Variants in CDK14 observed in about 807,000 individuals in gnomAD.
The protein encoded by CDK14 is cyclin-dependent kinase 14.
Under a neutral mutation model 60.7 loss-of-function variants are expected in CDK14, and 34 were observed. That is an observed-to-expected ratio of 0.56 (90% CI 0.43 to 0.75). The LOEUF is 0.75. Among genes scored for constraint, CDK14 ranks in the 30% least tolerant of loss-of-function variants. CDK14 has a pLI of 0.00. For synonymous variants in CDK14, 197 were observed against 203.7 expected (o/e 0.97, Z 0.28); for missense variants, 482 against 564.1 (o/e 0.85, Z 1.47).
At position 91,024,533 on chromosome 7, in the gene CDK14, C is replaced by T. The variant is rs572906477; in HGVS notation, c.1042-21364C>T. Among the ~76,000 whole-genome samples, 134 of 152,302 alleles carry T rather than the reference C, an allele frequency of 8.8e-4. 3 individuals are homozygous for T. In the South Asian group the frequency reaches 0.026, roughly 29 times the overall value. Reference sequence around the variant, plus strand: ...GGGTGTTGTGGCACACGCCTGTAGTCCCAGCTACTCAGGAGGCTGAGGCAG... The same window carrying T: ...GGGTGTTGTGGCACACGCCTGTAGTTCCAGCTACTCAGGAGGCTGAGGCAG... On this transcript the variant is annotated intron_variant, in intron 10 of 14. Coordinates refer to ENST00000380050, the MANE Select transcript of CDK14 (RefSeq NM_001287135.2).
At chr7:90,922,336 G>T (rs1793277492) in intron 8 of CDK14, among the ~76,000 whole-genome samples, 1 of 152,040 alleles carries the variant, frequency 6.6e-6, no homozygotes, top group Non-Finnish European at 1.5e-5. Context: ...ACAGTTTTAA[G>T]GCAAAGTTTA....
intron 4 of CDK14, 60 bp from the exon 5 acceptor site, chr7:90,790,513 C>A: frequency 2.8e-6 from 3 of 1,077,492 alleles, no homozygotes; most frequent in South Asian, 2.9e-5. Flanking sequence ...ATAAGGAAGA[C>A]AATTAGAACT....
intron 5 of CDK14, among the ~76,000 whole-genome samples, chr7:90,809,177 A>G (rs1045537036): frequency 5.3e-5 from 8 of 152,334 alleles, no homozygotes; most frequent in Admixed American, 5.2e-4. Context: ...CATTCTTTTC[A>G]GCACCACACC....
At chr7:91,168,537 T>A (rs1801419749) in intron 14 of CDK14, among the ~76,000 whole-genome samples, 1 of 152,236 alleles carries the variant, frequency 6.6e-6, no homozygotes, top group Non-Finnish European at 1.5e-5. Flanking sequence ...TTATCTATTA[T>A]CTTTTTAAAG....
chr7:90,957,206 G>C (rs1462041124), intron 9 of CDK14, among the ~76,000 whole-genome samples: 1 of 151,728 alleles, frequency 6.6e-6, no homozygotes, highest in Admixed American at 6.6e-5. Flanking sequence ...TTCCACAATG[G>C]TTGAACAAGT....
intron 12 of CDK14, among the ~76,000 whole-genome samples, chr7:91,094,066 G>A (rs564076324): frequency 5.7e-4 from 86 of 152,112 alleles, no homozygotes; most frequent in African/African-American, 1.9e-3. Context: ...GCACCTGTTG[G>A]TTACTATGCT....
At chr7:90,844,482 G>A (rs1172677871) in intron 5 of CDK14, among the ~76,000 whole-genome samples, 2 of 152,196 alleles carry the variant, frequency 1.3e-5, no homozygotes, top group African/African-American at 2.4e-5. Context: ...CTAAATTCCT[G>A]TGCTGGGCTG....
At chr7:90,637,943 A>T (rs1256422961) in intron 2 of CDK14, among the ~76,000 whole-genome samples, 2 of 147,048 alleles carry the variant, frequency 1.4e-5, no homozygotes, top group African/African-American at 2.5e-5. Context: ...TTTATCAGAG[A>T]CTAGGATTGC....
chr7:90,754,855 A>G (rs1461195343), intron 4 of CDK14, among the ~76,000 whole-genome samples: 1 of 152,188 alleles, frequency 6.6e-6, no homozygotes, highest in Non-Finnish European at 1.5e-5. Context: ...AGCGGCCAAC[A>G]AACATGAAGA....
chr7:90,968,085 A>T (rs1346779144), intron 9 of CDK14, among the ~76,000 whole-genome samples: 5 of 152,230 alleles, frequency 3.3e-5, no homozygotes, highest in African/African-American at 1.2e-4. Flanking sequence ...ATTTTAATTA[A>T]CAATCACAGT....
intron 10 of CDK14, among the ~76,000 whole-genome samples, chr7:91,000,483 T>C (rs1378975654): frequency 6.6e-6 from 1 of 152,240 alleles, no homozygotes; most frequent in Non-Finnish European, 1.5e-5. Context: ...CATATGTTTA[T>C]AACATTGGGA....
chr7:91,131,131 G>C (rs1261548173), intron 14 of CDK14, among the ~76,000 whole-genome samples: 3 of 151,576 alleles, frequency 2.0e-5, no homozygotes, highest in Non-Finnish European at 4.4e-5. Context: ...CTATTTTGAA[G>C]TACTTTTAGA....
chr7:90,796,876 T>A (rs1348499742), intron 5 of CDK14, among the ~76,000 whole-genome samples: 1 of 151,940 alleles, frequency 6.6e-6, no homozygotes, highest in African/African-American at 2.4e-5. Flanking sequence ...ATAACATTTT[T>A]GTGGAAGCGA....
chr7:90,945,214 T>A (rs1415985190), intron 8 of CDK14, among the ~76,000 whole-genome samples: 1 of 152,212 alleles, frequency 6.6e-6, no homozygotes, highest in Non-Finnish European at 1.5e-5. Context: ...GATGGTGTTT[T>A]AGTTTATGGT....
At chr7:91,202,898 A>G (rs1802775365) in intron 14 of CDK14, among the ~76,000 whole-genome samples, 1 of 152,188 alleles carries the variant, frequency 6.6e-6, no homozygotes, top group African/African-American at 2.4e-5. Context: ...ATCCTTTATT[A>G]TGCAATTCTG....
chr7:90,960,458 A>G (rs1794568742), intron 9 of CDK14, among the ~76,000 whole-genome samples: 1 of 152,220 alleles, frequency 6.6e-6, no homozygotes, highest in South Asian at 2.1e-4. Flanking sequence ...GAGATTGCAT[A>G]TTAAATCATC....
At chr7:90,650,770 A>G (rs901108151) in intron 2 of CDK14, among the ~76,000 whole-genome samples, 1 of 152,016 alleles carries the variant, frequency 6.6e-6, no homozygotes, top group African/African-American at 2.4e-5. Context: ...ATTGTTGTAG[A>G]TGTGTGGTGT....
At chr7:91,189,854 G>A (rs1802304978) in intron 14 of CDK14, among the ~76,000 whole-genome samples, 2 of 152,284 alleles carry the variant, frequency 1.3e-5, no homozygotes, top group Middle Eastern at 6.8e-3. Context: ...CAATACCATA[G>A]AAAGAGTATG....
intron 11 of CDK14, among the ~76,000 whole-genome samples, chr7:91,060,796 T>A (rs1584276570): frequency 6.6e-6 from 1 of 152,218 alleles, no homozygotes; most frequent in Non-Finnish European, 1.5e-5. Context: ...CTTCCCTTTG[T>A]GGGTAACCCG....
Sources: allele counts gnomAD v4.1 joint callset (sites outside exome capture counted in the v4.1 genomes callset), GRCh38; gene constraint gnomAD v4.1.1; transcripts MANE v1.5; gene names NCBI Gene and HGNC (gene_info 2026-07-23, HGNC 2026-07-21).